Variants in TMEM135 observed in about 807,000 individuals in gnomAD.
TMEM135 encodes peroxisomal membrane protein 52.
A neutral mutation model predicts 60.3 loss-of-function variants in TMEM135; 30 were observed. That is an observed-to-expected ratio of 0.50 (90% CI 0.37 to 0.68). The LOEUF is 0.68. TMEM135 is among the 30% of genes least tolerant of loss of function. The probability of loss-of-function intolerance (pLI) is 0.00; values close to 1 mark genes in which losing one functional copy is unlikely to be tolerated. For missense variants in TMEM135, 468 were observed against 548.8 expected, an observed-to-expected ratio of 0.85 and a Z score of 1.47; for synonymous variants, 190 against 186.7, an observed-to-expected ratio of 1.02 and a Z score of -0.14.
chr11:87,292,661 T>A (rs1222932657), intron 6 of TMEM135, among the ~76,000 whole-genome samples: 1 of 152,208 alleles, frequency 6.6e-6, no homozygotes, highest in African/African-American at 2.4e-5. Flanking sequence ...AGATTCTTTT[T>A]ATGGGAATAA....
intron 4 of TMEM135, among the ~76,000 whole-genome samples, chr11:87,150,571 G>A (rs12576489): frequency 0.1 from 15,153 of 152,108 alleles, 779 homozygotes; most frequent in African/African-American, 0.11. Context: ...ACAATTACTC[G>A]TAGCTGAGCC....
In TMEM135 at chr11:87,325,638, A is replaced by G. The variant is rs915334269; in HGVS notation, c.*4305A>G. The G allele has an allele frequency of 5.7e-5, 26 of 453,916 alleles. No homozygotes were observed. The Admixed American group carries it at 6.1e-4, about 11-fold the overall frequency. The allele number at this position is 453,916 out of a possible 1,614,324, so 28.1% of individuals were successfully genotyped here. ...TGCAACCTTTTAAGCCAGCCGTTCA[A>G]GTGAGAGGCTCTGGAGTGATCATAA... On this transcript the variant is annotated 3_prime_UTR_variant, in exon 15 of 15. Coordinates refer to ENST00000305494, the MANE Select transcript of TMEM135 (RefSeq NM_022918.4).
chr11:87,067,990 C>T lies in TMEM135; in HGVS notation c.269+169C>T, dbSNP rs957101481. On this transcript the variant is annotated intron_variant, in intron 2 of 14. Coordinates refer to ENST00000305494, the MANE Select transcript of TMEM135 (RefSeq NM_022918.4). ...AGCTTGTAAAACCAGGAACTGTGGG[C>T]CTCTTGACGTCAAGATGTAATATAA... Among the ~76,000 whole-genome samples the T allele has an allele frequency of 2.0e-5, 3 of 151,910 alleles. No homozygotes were observed. The East Asian group carries it at 5.8e-4, about 29-fold the overall frequency.
At chr11:87,259,527 T>A (rs7118029) in intron 6 of TMEM135, among the ~76,000 whole-genome samples, 53,775 of 152,084 alleles carry the variant, frequency 0.35, 10,064 homozygotes, top group Non-Finnish European at 0.42. Flanking sequence ...AATGGAAATT[T>A]TTTGGCCTTA....
intron 9 of TMEM135, among the ~76,000 whole-genome samples, chr11:87,307,106 GA>G (rs1942561454): frequency 6.6e-6 from 1 of 152,116 alleles, no homozygotes; most frequent in Non-Finnish European, 1.5e-5. Context: ...CTACTCAGTT[GA>G]TGATGAGAAG....
chr11:87,084,210 G>C (rs1857049550), intron 3 of TMEM135, among the ~76,000 whole-genome samples: 1 of 152,128 alleles, frequency 6.6e-6, no homozygotes, highest in East Asian at 1.9e-4. Flanking sequence ...AGGATGTGTG[G>C]ATACTTTTTA....
intron 6 of TMEM135, among the ~76,000 whole-genome samples, chr11:87,273,896 G>C (rs1478072023): frequency 6.6e-6 from 1 of 152,040 alleles, no homozygotes; most frequent in Admixed American, 6.6e-5. Context: ...TTCCCCCCAA[G>C]ATCATTGTTT....
chr11:87,207,764 C>T (rs1245179211), intron 5 of TMEM135, among the ~76,000 whole-genome samples: 1 of 152,192 alleles, frequency 6.6e-6, no homozygotes, highest in Admixed American at 6.5e-5. Context: ...GCACCTCATA[C>T]CTGTGGTGTC....
chr11:87,261,898 T>A (rs1941658285), intron 6 of TMEM135, among the ~76,000 whole-genome samples: 1 of 152,212 alleles, frequency 6.6e-6, no homozygotes, highest in Non-Finnish European at 1.5e-5. Flanking sequence ...GTGTTGAGAT[T>A]GTGGACATGA....
At chr11:87,173,293 T>G (rs1204350132) in intron 5 of TMEM135, among the ~76,000 whole-genome samples, 1 of 152,198 alleles carries the variant, frequency 6.6e-6, no homozygotes, top group Non-Finnish European at 1.5e-5. Flanking sequence ...AAATATTCAT[T>G]GATAGCGTCC....
intron 7 of TMEM135, among the ~76,000 whole-genome samples, chr11:87,300,748 C>T (rs1487039809): frequency 1.3e-5 from 2 of 152,172 alleles, no homozygotes; most frequent in Non-Finnish European, 2.9e-5. Context: ...TACATGGTCT[C>T]ACAGGCCTCA....
chr11:87,314,123 A>G (rs1008568441), intron 11 of TMEM135, among the ~76,000 whole-genome samples: 3 of 151,868 alleles, frequency 2.0e-5, no homozygotes, highest in African/African-American at 7.2e-5. Context: ...ATATGAATAA[A>G]TATTTCCACT....
At chr11:87,259,788 G>A (rs766145197) in intron 6 of TMEM135, among the ~76,000 whole-genome samples, 4 of 152,184 alleles carry the variant, frequency 2.6e-5, no homozygotes, top group African/African-American at 4.8e-5. Context: ...TAATAGAAAT[G>A]GGAGAAGCTT....
rs907929729 is a variant in TMEM135, at chr11:87,225,780, A to G, written c.463-10858A>G. On this transcript the variant is annotated intron_variant, in intron 5 of 14. Coordinates refer to ENST00000305494, the MANE Select transcript of TMEM135 (RefSeq NM_022918.4). ...TTGAAGTCAGACAGTCCTGGCTTTG[A>G]GTCTTGCTTCAGCTACTTAAATATT... is the stretch of plus-strand genomic sequence containing the variant. 5.3e-5 allele frequency among the ~76,000 whole-genome samples: 8 copies of G among 152,118 alleles called. No homozygotes were observed. The South Asian group carries it at 8.3e-4, about 16-fold the overall frequency.
chr11:87,317,721 CTTTT>C (rs1942756891), intron 12 of TMEM135, among the ~76,000 whole-genome samples: 1 of 152,096 alleles, frequency 6.6e-6, no homozygotes, highest in Non-Finnish European at 1.5e-5. Context: ...TCAGTGACTT[CTTTT>C]GAGTTCTCAT....
intron 5 of TMEM135, among the ~76,000 whole-genome samples, chr11:87,230,411 G>C (rs1940865921): frequency 6.6e-6 from 1 of 152,024 alleles, no homozygotes; most frequent in Non-Finnish European, 1.5e-5. Context: ...ATGAATTATA[G>C]AGAAATTTTT....
intron 5 of TMEM135, among the ~76,000 whole-genome samples, chr11:87,178,293 T>C (rs1463955621): frequency 6.6e-6 from 1 of 152,196 alleles, no homozygotes; most frequent in Non-Finnish European, 1.5e-5. Flanking sequence ...CAAGGGTTTT[T>C]GAAGCCCTGT....
intron 9 of TMEM135, among the ~76,000 whole-genome samples, chr11:87,307,221 G>A (rs1339715552): frequency 6.6e-6 from 1 of 152,092 alleles, no homozygotes; most frequent in African/African-American, 2.4e-5. Flanking sequence ...CTATGGCCCA[G>A]TGTTGACAGT....
At chr11:87,102,907 T>C (rs1411267210) in intron 4 of TMEM135, among the ~76,000 whole-genome samples, 1 of 152,030 alleles carries the variant, frequency 6.6e-6, no homozygotes, top group Non-Finnish European at 1.5e-5. Flanking sequence ...TTTATTTCTC[T>C]TGTCTCACTG....
Sources: allele counts gnomAD v4.1 joint callset (sites outside exome capture counted in the v4.1 genomes callset), GRCh38; gene constraint gnomAD v4.1.1; transcripts MANE v1.5; gene names NCBI Gene and HGNC (gene_info 2026-07-23, HGNC 2026-07-21).